Variants in RHOBTB1 observed in about 807,000 individuals in gnomAD.
The protein encoded by RHOBTB1 is Rho related BTB domain containing 1.
A neutral mutation model predicts 71.6 loss-of-function variants in RHOBTB1; 40 were observed. The ratio of observed to expected loss-of-function variants is 0.56; its 90% CI spans 0.43 to 0.73. RHOBTB1 has a LOEUF of 0.73. RHOBTB1 is among the 30% of genes least tolerant of loss of function. The pLI is 0.00. For synonymous variants in RHOBTB1, 319 were observed against 334.9 expected, an observed-to-expected ratio of 0.95 and a Z score of 0.52; for missense variants, 797 against 894.0, an observed-to-expected ratio of 0.89 and a Z score of 1.38.
At chr10:60,890,834 A>T (rs1052052242) in intron 5 of RHOBTB1, among the ~76,000 whole-genome samples, 9 of 152,362 alleles carry the variant, frequency 5.9e-5, no homozygotes, top group Middle Eastern at 3.4e-3. Context: ...TCCTGAGAGC[A>T]TTGTGTTCCT....
At chr10:60,982,916 T>G (rs2086549210) in intron 2 of RHOBTB1, among the ~76,000 whole-genome samples, 2 of 152,162 alleles carry the variant, frequency 1.3e-5, no homozygotes, top group Non-Finnish European at 2.9e-5. Context: ...ATGGTGGGCA[T>G]GGAGCAGTGG....
intron 4 of RHOBTB1, among the ~76,000 whole-genome samples, chr10:60,895,116 C>A (rs1463450862): frequency 6.6e-6 from 1 of 152,128 alleles, no homozygotes; most frequent in Non-Finnish European, 1.5e-5. Flanking sequence ...GTCCTGAGGG[C>A]CCAACTTCTA....
chr10:60,947,589 T>A (rs930276735), upstream of RHOBTB1, among the ~76,000 whole-genome samples: 1 of 149,660 alleles, frequency 6.7e-6, no homozygotes, highest in East Asian at 2.0e-4. Flanking sequence ...TGACTTTTTT[T>A]GTTTGTTTGT....
At chr10:60,990,568 A>G (rs2086830258) in intron 1 of RHOBTB1, among the ~76,000 whole-genome samples, 2 of 152,032 alleles carry the variant, frequency 1.3e-5, no homozygotes, top group South Asian at 2.1e-4. Context: ...TAAAACACAC[A>G]TTTCTCAGTC....
intron 5 of RHOBTB1, among the ~76,000 whole-genome samples, chr10:60,891,332 T>A (rs538463303): frequency 2.8e-5 from 4 of 140,858 alleles, no homozygotes; most frequent in Admixed American, 2.2e-4. Context: ...TGTTGCTGTT[T>A]GCTTTTTTTT....
intron 4 of RHOBTB1, among the ~76,000 whole-genome samples, chr10:60,905,737 C>T (rs1400265824): frequency 6.6e-6 from 1 of 152,126 alleles, no homozygotes; most frequent in Non-Finnish European, 1.5e-5. Flanking sequence ...GCTTGCCATC[C>T]TAACATCATC....
At chr10:60,979,564 T>G (rs1343990325) in intron 2 of RHOBTB1, among the ~76,000 whole-genome samples, 1 of 152,128 alleles carries the variant, frequency 6.6e-6, no homozygotes, top group Non-Finnish European at 1.5e-5. Context: ...AAGGGTGCAA[T>G]TCAACTTCAA....
Position 60,886,977 on chromosome 10 carries a change from T to C in RHOBTB1, c.1457-747A>G, listed in dbSNP as rs117131440. ...AGTCTCCTAAATAACCATACTATGA[T>C]TACACCTAAGAAAATTAAAAATAAT... is the stretch of plus-strand genomic sequence containing the variant. On this transcript the variant is annotated intron_variant, in intron 6 of 10. Coordinates refer to ENST00000337910, the MANE Select transcript of RHOBTB1 (RefSeq NM_014836.5). 8.1e-3 allele frequency among the ~76,000 whole-genome samples: 1,237 copies of C among 152,114 alleles called. 8 individuals carry two copies. The highest frequency in any genetic ancestry group is 0.012 in the Non-Finnish European group (785 of 68,000).
At chr10:60,991,347 C>T (rs2086857893) in intron 1 of RHOBTB1, among the ~76,000 whole-genome samples, 1 of 151,964 alleles carries the variant, frequency 6.6e-6, no homozygotes, top group Admixed American at 6.5e-5. Flanking sequence ...AAAAGGCTCC[C>T]TTGGTGATGG....
At chr10:60,884,727 C>G (rs1289990213) in intron 7 of RHOBTB1, among the ~76,000 whole-genome samples, 1 of 152,010 alleles carries the variant, frequency 6.6e-6, no homozygotes, top group East Asian at 1.9e-4. Context: ...GTGAAATAAG[C>G]CAGGTACAGA....
chr10:60,916,352 T>C (rs1433812610), intron 2 of RHOBTB1, among the ~76,000 whole-genome samples: 1 of 152,214 alleles, frequency 6.6e-6, no homozygotes, highest in African/African-American at 2.4e-5. Flanking sequence ...AAAGCCATCT[T>C]GGACCTTCCA....
chr10:60,866,202 T>C (rs1589129237), downstream of RHOBTB1, among the ~76,000 whole-genome samples: 1 of 152,072 alleles, frequency 6.6e-6, no homozygotes, highest in Non-Finnish European at 1.5e-5. Context: ...GGAATGGGAA[T>C]TGGCTAGTGG....
At chr10:60,958,604 T>C (rs906869731) in intron 2 of RHOBTB1, among the ~76,000 whole-genome samples, 5 of 152,094 alleles carry the variant, frequency 3.3e-5, no homozygotes, top group African/African-American at 1.2e-4. Context: ...TTTATGTTGT[T>C]GTTTTGTTTG....
intron 2 of RHOBTB1, among the ~76,000 whole-genome samples, chr10:60,938,439 G>A (rs2084718203): frequency 6.6e-6 from 1 of 152,158 alleles, no homozygotes; most frequent in Non-Finnish European, 1.5e-5. Context: ...TTCTCTGGGT[G>A]CCAGTGTTTT....
chr10:60,975,533 C>T (rs148335255), intron 2 of RHOBTB1, among the ~76,000 whole-genome samples: 4 of 152,170 alleles, frequency 2.6e-5, no homozygotes, highest in East Asian at 1.9e-4. Flanking sequence ...GCTACTTATT[C>T]GCTTGCATGG....
downstream of RHOBTB1, among the ~76,000 whole-genome samples, chr10:60,867,741 C>A (rs2080643370): frequency 6.6e-6 from 1 of 152,190 alleles, no homozygotes; most frequent in African/African-American, 2.4e-5. Context: ...GCACTGTCAG[C>A]ACAAGGGAGA....
At chr10:60,889,843 C>T (rs145392206) in intron 5 of RHOBTB1, among the ~76,000 whole-genome samples, 2 of 152,286 alleles carry the variant, frequency 1.3e-5, no homozygotes, top group Admixed American at 6.5e-5. Flanking sequence ...CATGGCAATG[C>T]TAAGCATAGT....
In RHOBTB1 at chr10:60,872,431, G is replaced by A. The variant is rs963803283; in HGVS notation, c.1816-141C>T. 47 of 659,374 alleles carry A rather than the reference G, an allele frequency of 7.1e-5. No individual in the cohort carries two copies. The African/African-American group carries it at 8.3e-4, about 12-fold the overall frequency. The allele number at this position is 659,374 out of a possible 1,614,324, so 40.8% of individuals were successfully genotyped here. Reference sequence around the variant, plus strand: ...GTAAACCTCTTGTTTTGACCTCAATGTTTTGACTTTGGCCATGGCTCCAAT... The same window carrying A: ...GTAAACCTCTTGTTTTGACCTCAATATTTTGACTTTGGCCATGGCTCCAAT... On this transcript the variant is annotated intron_variant, in intron 9 of 10. Transcript: ENST00000337910.
the RHOBTB1 span, among the ~76,000 whole-genome samples, chr10:60,862,177 TTTTC>T: frequency 2.0e-5 from 3 of 150,780 alleles, no homozygotes; most frequent in South Asian, 2.1e-4. Context: ...TCTTTCTTTC[TTTTC>T]TTTTTTTTCT....
Sources: allele counts gnomAD v4.1 joint callset (sites outside exome capture counted in the v4.1 genomes callset), GRCh38; gene constraint gnomAD v4.1.1; transcripts MANE v1.5; gene names NCBI Gene and HGNC (gene_info 2026-07-23, HGNC 2026-07-21).